Variants in XKR4 observed in about 807,000 individuals in gnomAD.
XKR4 encodes the protein XK related 4, also known as XK-related protein 4.
In XKR4, 12 loss-of-function variants were observed where a neutral mutation model predicts 53.9. The ratio of observed to expected loss-of-function variants is 0.22; its 90% CI spans 0.14 to 0.36. The LOEUF is 0.36. XKR4 is among the 10% of genes least tolerant of loss of function. XKR4 has a pLI of 1.00. For synonymous variants in XKR4, 354 were observed against 362.4 expected (o/e 0.98, Z 0.26); for missense variants, 799 against 859.5 (o/e 0.93, Z 0.88).
intron 1 of XKR4, among the ~76,000 whole-genome samples, chr8:55,347,442 G>C (rs7823351): frequency 6.6e-6 from 1 of 152,158 alleles, no homozygotes; most frequent in Non-Finnish European, 1.5e-5. Context: ...AAAATGCTAA[G>C]GAAATCACAA....
intron 2 of XKR4, among the ~76,000 whole-genome samples, chr8:55,438,163 A>T (rs1052474123): frequency 6.6e-6 from 1 of 152,138 alleles, no homozygotes; most frequent in African/African-American, 2.4e-5. Context: ...AAAAAAGTTA[A>T]CTAAGTCCCA....
chr8:55,430,854 GT>G (rs1386608806), intron 2 of XKR4, among the ~76,000 whole-genome samples: 1 of 152,128 alleles, frequency 6.6e-6, no homozygotes, highest in Admixed American at 6.5e-5. Flanking sequence ...ACTCACCCTT[GT>G]GACCTAATTT....
At chr8:55,361,964 C>T (rs559165565) in intron 2 of XKR4, among the ~76,000 whole-genome samples, 1 of 152,280 alleles carries the variant, frequency 6.6e-6, no homozygotes, top group Non-Finnish European at 1.5e-5. Flanking sequence ...ATTAGTATTT[C>T]CTCAAGGTGT....
chr8:55,317,521 TAAAG>T (rs1370698364), intron 1 of XKR4, among the ~76,000 whole-genome samples: 2 of 152,166 alleles, frequency 1.3e-5, no homozygotes, highest in African/African-American at 4.8e-5. Flanking sequence ...ATTCATAAAA[TAAAG>T]AGTTTTCATG....
At chr8:55,188,951 T>C (rs978260239) in intron 1 of XKR4, among the ~76,000 whole-genome samples, 1 of 152,204 alleles carries the variant, frequency 6.6e-6, no homozygotes, top group Admixed American at 6.5e-5. Flanking sequence ...CTGGAAGATA[T>C]GGAATGCCTG....
At chr8:55,145,904 A>T (rs547139230) in intron 1 of XKR4, among the ~76,000 whole-genome samples, 28 of 152,338 alleles carry the variant, frequency 1.8e-4, no homozygotes, top group African/African-American at 2.9e-4. Context: ...TTGGAAACAG[A>T]TCTATCTGTG....
At chr8:55,503,215 A>G (rs941932035) in intron 2 of XKR4, among the ~76,000 whole-genome samples, 2 of 151,906 alleles carry the variant, frequency 1.3e-5, no homozygotes, top group African/African-American at 4.8e-5. Flanking sequence ...GGATTTTTCT[A>G]TTTTTGTAAA....
intron 1 of XKR4, among the ~76,000 whole-genome samples, chr8:55,295,081 A>G (rs1021263438): frequency 6.6e-6 from 1 of 152,224 alleles, no homozygotes; most frequent in African/African-American, 2.4e-5. Context: ...GCATTTTATT[A>G]TCATTATTCA....
At chr8:55,145,553 G>A (rs1032883381) in intron 1 of XKR4, among the ~76,000 whole-genome samples, 2 of 152,142 alleles carry the variant, frequency 1.3e-5, no homozygotes, top group East Asian at 3.8e-4. Context: ...ATATCTGGCC[G>A]ATTTATACAA....
intron 1 of XKR4, among the ~76,000 whole-genome samples, chr8:55,165,922 C>G (rs1817059637): frequency 6.6e-6 from 1 of 151,892 alleles, no homozygotes. Context: ...GAAAAAGTAA[C>G]CACTTGCCTA....
rs781578737 is a variant in XKR4, at chr8:55,523,803, A to T, written c.1529A>T (p.Tyr510Phe). 6.2e-7 allele frequency: 1 copy of T among 1,614,096 alleles called. No homozygotes were observed. ...LTGVVFMLMY[Y>F]AFFHPNGPRF... is the part of the protein sequence containing the mutation. ...GGCGTTGTTTTTATGCTGATGTATTATGCCTTCTTTCATCCCAATGGACCC... is the reference window on the plus strand; with the variant it reads ...GGCGTTGTTTTTATGCTGATGTATTTTGCCTTCTTTCATCCCAATGGACCC... The change falls in exon 3 of 3, where the codon TAT becomes TTT. Residue 510 changes from tyrosine (Y) to phenylalanine (F), a missense_variant. Around this residue, in one of 3 missense-constraint regions of XKR4, gnomAD observed 269 missense variants for 264.4 expected, o/e 1.02. Coordinates refer to ENST00000327381, the MANE Select transcript of XKR4 (RefSeq NM_052898.2).
chr8:55,104,816 C>T (rs541817011), intron 1 of XKR4, among the ~76,000 whole-genome samples: 1 of 152,202 alleles, frequency 6.6e-6, no homozygotes, highest in East Asian at 1.9e-4. Context: ...CTATATTTCC[C>T]ATGGATGACT....
At chr8:55,174,169 CTTAGT>C (rs1345020177) in intron 1 of XKR4, among the ~76,000 whole-genome samples, 1 of 151,960 alleles carries the variant, frequency 6.6e-6, no homozygotes, top group Non-Finnish European at 1.5e-5. Context: ...AATGCAAATG[CTTAGT>C]TTAATGACAA....
intron 1 of XKR4, among the ~76,000 whole-genome samples, chr8:55,279,191 G>A (rs1198746518): frequency 1.3e-5 from 2 of 152,298 alleles, no homozygotes; most frequent in Non-Finnish European, 2.9e-5. Context: ...AACCAGTGAC[G>A]TAGGTTGGGG....
At chr8:55,162,902 T>C (rs1253448688) in intron 1 of XKR4, among the ~76,000 whole-genome samples, 1 of 152,230 alleles carries the variant, frequency 6.6e-6, no homozygotes, top group African/African-American at 2.4e-5. Context: ...TATGTATCCC[T>C]GAACATATAT....
chr8:55,367,154 C>A (rs994888560), intron 2 of XKR4, among the ~76,000 whole-genome samples: 1 of 151,954 alleles, frequency 6.6e-6, no homozygotes, highest in African/African-American at 2.4e-5. Context: ...GTGTGCCCAC[C>A]GTTCTACATG....
At chr8:55,142,378 T>G in intron 1 of XKR4, 1 of 303,942 alleles carries the variant, frequency 3.3e-6, no homozygotes. Flanking sequence ...TCCTGCCTCT[T>G]GGCAACCCGT....
chr8:55,185,784 C>T (rs75676299), intron 1 of XKR4, among the ~76,000 whole-genome samples: 1 of 152,186 alleles, frequency 6.6e-6, no homozygotes, highest in Non-Finnish European at 1.5e-5. Flanking sequence ...GGGAATTTCT[C>T]AGAAGAGAGT....
intron 1 of XKR4, among the ~76,000 whole-genome samples, chr8:55,248,146 T>C (rs1818314977): frequency 6.6e-6 from 1 of 152,042 alleles, no homozygotes; most frequent in Non-Finnish European, 1.5e-5. Flanking sequence ...TGAGCCACCA[T>C]GCCCAGCCTA....
Sources: gnomAD v4.1 joint callset for allele counts (sites outside exome capture counted in the v4.1 genomes callset) on GRCh38, gnomAD v4.1.1 for gene constraint, gnomAD v4.1.1 regional missense constraint, MANE v1.5 for transcripts, NCBI Gene and HGNC (gene_info 2026-07-23, HGNC 2026-07-21) for gene names.